The following CNTN6 variants were observed in gnomAD, a reference collection of about 807,000 sequenced individuals.
CNTN6 encodes contactin-6.
CNTN6 carries 137 observed loss-of-function variants against 122.8 expected under a neutral mutation model. The observed-to-expected ratio is 1.12, with a 90% CI of 0.97 to 1.29. The LOEUF is 1.29. Among genes scored for constraint, CNTN6 ranks in the 50% most tolerant of loss-of-function variants. The pLI is 0.00. For missense variants in CNTN6, 1,634 were observed against 1,223.4 expected, an observed-to-expected ratio of 1.34 and a Z score of -5.01; for synonymous variants, 570 against 426.0, an observed-to-expected ratio of 1.34 and a Z score of -4.16.
At chr3:1,287,709 T>A (rs78498890) in intron 5 of CNTN6, among the ~76,000 whole-genome samples, 5,707 of 152,258 alleles carry the variant, frequency 0.037, 161 homozygotes, top group South Asian at 0.066. Flanking sequence ...TCATCCACAC[T>A]GCTCATTATA....
At chr3:1,192,727 TCA>T (rs374528361) in intron 2 of CNTN6, among the ~76,000 whole-genome samples, 85 of 152,226 alleles carry the variant, frequency 5.6e-4, no homozygotes, top group African/African-American at 2.0e-3. Flanking sequence ...CCTGTTGTGC[TCA>T]TATATGTATA....
rs868582380 is a variant in CNTN6, at chr3:1,213,816, T to A, written c.56-6871T>A. Among the ~76,000 whole-genome samples the A allele has an allele frequency of 2.0e-4, 23 of 116,442 alleles. 1 individual carries two copies. Among genetic ancestry groups the A allele is most frequent in the African/African-American group, 6.4e-4 (22 of 34,464 alleles). The allele number at this position is 116,442 out of a possible 152,430, so 76.4% of individuals were successfully genotyped here. Reference sequence around the variant, plus strand: ...TAATTTGAACTTCTAATAAATGATTTGAGACAAAAAAATTTTTTAAATGAT... The same window carrying A: ...TAATTTGAACTTCTAATAAATGATTAGAGACAAAAAAATTTTTTAAATGAT... On this transcript the variant is annotated intron_variant, in intron 2 of 22. Coordinates refer to ENST00000446702, the MANE Select transcript of CNTN6 (RefSeq NM_001289080.2).
rs187835734 is a variant in CNTN6, at chr3:1,216,873, G to C, written c.56-3814G>C. Among the ~76,000 whole-genome samples the C allele has an allele frequency of 1.0e-3, 154 of 152,278 alleles. 2 individuals are homozygous for C. Among genetic ancestry groups the C allele is most frequent in the Admixed American group, 0.01 (153 of 15,298 alleles). On this transcript the variant is annotated intron_variant, in intron 2 of 22. Coordinates refer to ENST00000446702, the MANE Select transcript of CNTN6 (RefSeq NM_001289080.2). ...ATGGAGAGGGAATCAGGAAGCCAAA[G>C]TTTAATTTCTTGCTCTCTCTTAAGA...
chr3:1,140,114 T>C (rs923710264), intron 1 of CNTN6, among the ~76,000 whole-genome samples: 1 of 152,238 alleles, frequency 6.6e-6, no homozygotes, highest in African/African-American at 2.4e-5. Context: ...CTAGCAAACT[T>C]AGATTTGTCC....
intron 4 of CNTN6, among the ~76,000 whole-genome samples, chr3:1,243,440 T>C (rs1225546475): frequency 4.6e-5 from 7 of 152,282 alleles, no homozygotes; most frequent in Non-Finnish European, 7.4e-5. Flanking sequence ...AATTAAATCC[T>C]GTTGTGGGGT....
chr3:1,217,878 A>G (rs914220762), intron 2 of CNTN6, among the ~76,000 whole-genome samples: 1 of 152,154 alleles, frequency 6.6e-6, no homozygotes, highest in Non-Finnish European at 1.5e-5. Flanking sequence ...GGGAAGAAAT[A>G]TTTTGGTTTC....
At chr3:1,168,622 T>C (rs2093304288) in intron 2 of CNTN6, among the ~76,000 whole-genome samples, 1 of 151,912 alleles carries the variant, frequency 6.6e-6, no homozygotes, top group Non-Finnish European at 1.5e-5. Context: ...GGGAAATATT[T>C]TAACCTCATT....
intron 4 of CNTN6, among the ~76,000 whole-genome samples, chr3:1,230,853 G>A (rs574409856): frequency 1.2e-4 from 19 of 152,208 alleles, no homozygotes; most frequent in African/African-American, 4.6e-4. Context: ...TCACTTGCTG[G>A]CACAGTAATT....
intron 1 of CNTN6, among the ~76,000 whole-genome samples, chr3:1,097,722 G>T (rs974871369): frequency 6.6e-6 from 1 of 152,044 alleles, no homozygotes; most frequent in African/African-American, 2.4e-5. Flanking sequence ...GAATTCAGCA[G>T]GTAAATATGT....
intron 1 of CNTN6, among the ~76,000 whole-genome samples, chr3:1,098,539 C>A (rs2090660945): frequency 6.6e-6 from 1 of 151,158 alleles, no homozygotes; most frequent in Non-Finnish European, 1.5e-5. Context: ...TCTTATTTCA[C>A]AGAGATATTT....
chr3:1,343,707 T>G (rs1704223930), intron 11 of CNTN6, among the ~76,000 whole-genome samples: 1 of 151,610 alleles, frequency 6.6e-6, no homozygotes, highest in Admixed American at 6.6e-5. Flanking sequence ...TGCTCTAGGC[T>G]CTCTCTCTCT....
chr3:1,128,374 C>T (rs1254068813), intron 1 of CNTN6: 1 of 151,934 alleles, frequency 6.6e-6, no homozygotes, highest in Admixed American at 6.6e-5. Flanking sequence ...TCTTTATTAA[C>T]CAGGTAACAG....
chr3:1,387,287 C>T (rs1170068132), intron 20 of CNTN6, among the ~76,000 whole-genome samples: 1 of 152,176 alleles, frequency 6.6e-6, no homozygotes, highest in Admixed American at 6.5e-5. Context: ...TTTAGACAGG[C>T]TGGGCTGTGA....
At position 1,389,791 on chromosome 3, in the gene CNTN6, C is replaced by CAA. The variant is rs569184535; in HGVS notation, c.2704+3996_2704+3997dup. Among the ~76,000 whole-genome samples the CAA allele has an allele frequency of 6.6e-3, 999 of 150,778 alleles. 10 individuals are homozygous for CAA. Among genetic ancestry groups the CAA allele is most frequent in the African/African-American group, 0.023 (952 of 41,146 alleles). On this transcript the variant is annotated intron_variant, in intron 20 of 22. Coordinates refer to ENST00000446702, the MANE Select transcript of CNTN6 (RefSeq NM_001289080.2). ...TCTGATAAAACAGACTTTAAACCAACAAAGATCAAAAGAGACAAAGAAGGC... is the reference window on the plus strand; with the variant it reads ...TCTGATAAAACAGACTTTAAACCAACAAAAAGATCAAAAGAGACAAAGAAGGC...
At position 1,226,874 on chromosome 3, in the gene CNTN6, A is replaced by G. The variant is rs559459956; in HGVS notation, c.183-944A>G. Among the ~76,000 whole-genome samples, 9 of 152,300 alleles carry G rather than the reference A, an allele frequency of 5.9e-5. No individual in the cohort carries two copies. In the South Asian group the frequency reaches 1.9e-3, roughly 32 times the overall value. ...ATGCACAACTGTTTGTCATTATTCA[A>G]TAGTTTTAAGTGTTTATTTTAAAAA... On this transcript the variant is annotated intron_variant, in intron 3 of 22. Transcript: ENST00000446702.
At chr3:1,106,723 C>T (rs920200245) in intron 1 of CNTN6, among the ~76,000 whole-genome samples, 3 of 152,054 alleles carry the variant, frequency 2.0e-5, no homozygotes, top group East Asian at 1.9e-4. Context: ...GTTGGCTAGA[C>T]GTCTATCCAA....
chr3:1,156,684 C>G (rs200667156), intron 2 of CNTN6, among the ~76,000 whole-genome samples: 11 of 16,834 alleles, frequency 6.5e-4, no homozygotes, highest in African/African-American at 6.2e-3. Context: ...CCTTCCTTTC[C>G]CTCCCTCCCT....
Position 1,160,183 on chromosome 3 carries a change from T to A in CNTN6, c.55+12120T>A, listed in dbSNP as rs188947528. 1.0e-3 allele frequency among the ~76,000 whole-genome samples: 156 copies of A among 151,960 alleles called. 1 individual carries two copies. The highest frequency in any genetic ancestry group is 3.5e-3 in the African/African-American group (146 of 41,430). ...CTCAGTAAGTATAATGTGCATAAAT[T>A]GTGTCAGTTCAATGAATTTTCATAA... On this transcript the variant is annotated intron_variant, in intron 2 of 22. Coordinates refer to ENST00000446702, the MANE Select transcript of CNTN6 (RefSeq NM_001289080.2).
chr3:1,287,764 C>T (rs983815180), intron 5 of CNTN6, among the ~76,000 whole-genome samples: 23 of 152,252 alleles, frequency 1.5e-4, no homozygotes, highest in African/African-American at 4.6e-4. Context: ...CTCCCACCAG[C>T]GCCATGACAG....
Sources: allele counts gnomAD v4.1 joint callset (sites outside exome capture counted in the v4.1 genomes callset), GRCh38; gene constraint gnomAD v4.1.1; transcripts MANE v1.5; gene names NCBI Gene and HGNC (gene_info 2026-07-23, HGNC 2026-07-21).